The following FRMD4A variants were observed in gnomAD, a reference collection of about 807,000 sequenced individuals.
The protein encoded by FRMD4A is FERM domain-containing protein 4A.
FRMD4A carries 29 observed loss-of-function variants against 129.1 expected under a neutral mutation model. The ratio of observed to expected loss-of-function variants is 0.22; its 90% confidence interval spans 0.17 to 0.31. FRMD4A has a LOEUF of 0.31. Ranked by LOEUF, FRMD4A falls within the 10% of genes least tolerant of loss-of-function variation. FRMD4A has a pLI of 1.00. For synonymous variants in FRMD4A, 634 were observed against 571.6 expected (o/e 1.11, Z -1.56); for missense variants, 1,272 against 1,375.8 (o/e 0.92, Z 1.19).
chr10:14,213,606 C>G (rs1050606470), intron 2 of FRMD4A, among the ~76,000 whole-genome samples: 5 of 152,190 alleles, frequency 3.3e-5, no homozygotes, highest in Non-Finnish European at 5.9e-5. Flanking sequence ...AAAACCATCC[C>G]ACAGAATAGG....
chr10:14,017,483 G>T (rs2095702773), intron 2 of FRMD4A, among the ~76,000 whole-genome samples: 1 of 152,168 alleles, frequency 6.6e-6, no homozygotes, highest in Non-Finnish European at 1.5e-5. Flanking sequence ...AATAGCTGTT[G>T]ACTCAATTTT....
intron 2 of FRMD4A, among the ~76,000 whole-genome samples, chr10:14,074,984 T>G (rs1242185006): frequency 6.6e-6 from 1 of 152,158 alleles, no homozygotes; most frequent in Non-Finnish European, 1.5e-5. Context: ...CCAGAATTAG[T>G]TGACAGTCTA....
chr10:14,297,378 A>G (rs1465261833), intron 2 of FRMD4A, among the ~76,000 whole-genome samples: 1 of 152,188 alleles, frequency 6.6e-6, no homozygotes, highest in Non-Finnish European at 1.5e-5. Flanking sequence ...GGATGGGAGT[A>G]AAATCCAAGG....
At chr10:13,998,870 C>T (rs952230655) in intron 2 of FRMD4A, among the ~76,000 whole-genome samples, 3 of 152,220 alleles carry the variant, frequency 2.0e-5, no homozygotes, top group East Asian at 1.9e-4. Context: ...TAGTAGCTAA[C>T]GTCATCTTTC....
At chr10:13,990,851 T>A (rs551762070) in intron 2 of FRMD4A, among the ~76,000 whole-genome samples, 31 of 152,268 alleles carry the variant, frequency 2.0e-4, no homozygotes, top group African/African-American at 7.5e-4. Context: ...CTTGTTCCCA[T>A]TTTTCTTTCC....
At chr10:13,771,583 C>A (rs950296897) in intron 6 of FRMD4A, among the ~76,000 whole-genome samples, 3 of 152,128 alleles carry the variant, frequency 2.0e-5, no homozygotes, top group Admixed American at 1.3e-4. Flanking sequence ...CGGCTATGTG[C>A]CTAGTACAGT....
intron 2 of FRMD4A, among the ~76,000 whole-genome samples, chr10:13,926,457 A>G (rs2095134764): frequency 6.6e-6 from 1 of 152,176 alleles, no homozygotes; most frequent in Non-Finnish European, 1.5e-5. Context: ...TCCAGTCCAT[A>G]ATAAAAAGCA....
chr10:14,100,582 A>G (rs1010081006), intron 2 of FRMD4A, among the ~76,000 whole-genome samples: 3 of 152,088 alleles, frequency 2.0e-5, no homozygotes, highest in African/African-American at 4.8e-5. Context: ...GATCTGGGAT[A>G]TTTTATTTTA....
intron 3 of FRMD4A, among the ~76,000 whole-genome samples, chr10:13,856,058 CT>C (rs2094208977): frequency 7.3e-6 from 1 of 136,990 alleles, no homozygotes; most frequent in Admixed American, 7.5e-5. Flanking sequence ...ATCTATCTAT[CT>C]ATGTATACAT....
At chr10:14,316,087 AC>A (rs968854129) in intron 2 of FRMD4A, among the ~76,000 whole-genome samples, 1 of 152,112 alleles carries the variant, frequency 6.6e-6, no homozygotes, top group African/African-American at 2.4e-5. Flanking sequence ...ATGGGAATCT[AC>A]CCCATTCCCA....
At chr10:13,780,769 C>T (rs1350295349) in intron 6 of FRMD4A, among the ~76,000 whole-genome samples, 1 of 152,138 alleles carries the variant, frequency 6.6e-6, no homozygotes, top group Non-Finnish European at 1.5e-5. Flanking sequence ...CTATGGAAAA[C>T]AGTAGGGATG....
chr10:13,997,273 A>G (rs1167616744), intron 2 of FRMD4A, among the ~76,000 whole-genome samples: 1 of 152,166 alleles, frequency 6.6e-6, no homozygotes, highest in South Asian at 2.1e-4. Flanking sequence ...TTGGTGCTAT[A>G]GGGAGAAAAC....
chr10:14,185,610 G>GC (rs895321359), intron 2 of FRMD4A, among the ~76,000 whole-genome samples: 1 of 139,970 alleles, frequency 7.1e-6, no homozygotes, highest in Non-Finnish European at 1.6e-5. Flanking sequence ...TAGAGAGACA[G>GC]AAAGGGGATA....
At chr10:13,937,568 T>C (rs1438925608) in intron 2 of FRMD4A, among the ~76,000 whole-genome samples, 2 of 152,184 alleles carry the variant, frequency 1.3e-5, no homozygotes, top group African/African-American at 4.8e-5. Flanking sequence ...TCTTTCACAC[T>C]CAGGCTGCGT....
At chr10:14,297,845 G>C (rs1170101542) in intron 2 of FRMD4A, among the ~76,000 whole-genome samples, 1 of 152,162 alleles carries the variant, frequency 6.6e-6, no homozygotes. Context: ...CTATATAGCG[G>C]CCATGAATGG....
intron 2 of FRMD4A, among the ~76,000 whole-genome samples, chr10:14,061,022 G>GAA (rs11371291): frequency 1.3e-4 from 20 of 149,826 alleles, no homozygotes; most frequent in East Asian, 3.9e-4. Context: ...AACCAATAAG[G>GAA]AAAAAAAAAT....
rs573443203 is a variant in FRMD4A, at chr10:13,752,198, C to T, written c.465-4379G>A. The stretch of plus-strand genomic sequence containing the variant: ...GTGGTATCAATGCTGTATTGGTCTT[C>T]GATTTAGTGGTGTTTTTTTCTTTGA... On this transcript the variant is annotated intron_variant, in intron 8 of 24. Coordinates refer to ENST00000357447, the MANE Select transcript of FRMD4A (RefSeq NM_018027.5). Among the ~76,000 whole-genome samples, 78 of 152,260 alleles carry T rather than the reference C, an allele frequency of 5.1e-4. No homozygotes were observed. In the South Asian group the frequency reaches 0.015, roughly 30 times the overall value.
chr10:14,048,475 T>C (rs565652863), intron 2 of FRMD4A, among the ~76,000 whole-genome samples: 1 of 152,312 alleles, frequency 6.6e-6, no homozygotes, highest in Non-Finnish European at 1.5e-5. Context: ...GGGCTCTTCC[T>C]AGTCATCACT....
intron 2 of FRMD4A, among the ~76,000 whole-genome samples, chr10:14,311,893 C>T (rs2132106466): frequency 6.6e-6 from 1 of 152,160 alleles, no homozygotes; most frequent in African/African-American, 2.4e-5. Context: ...CTTGATTTTT[C>T]AACCCAGAGC....
Sources: allele counts gnomAD v4.1 joint callset (sites outside exome capture counted in the v4.1 genomes callset), GRCh38; gene constraint gnomAD v4.1.1; transcripts MANE v1.5; gene names NCBI Gene and HGNC (gene_info 2026-07-23, HGNC 2026-07-21).